Variants in ARMH1 observed in about 807,000 individuals in gnomAD.
ARMH1 encodes the protein armadillo-like helical domain containing protein 1.
ARMH1 carries 34 observed loss-of-function variants against 50.2 expected under a neutral mutation model. That is an observed-to-expected ratio of 0.68 (90% confidence interval 0.51 to 0.90). The LOEUF (loss-of-function observed/expected upper bound fraction) is 0.90. Among genes scored for constraint, ARMH1 ranks in the 40% least tolerant of loss-of-function variants. The pLI, the probability that ARMH1 is intolerant of heterozygous loss-of-function variation, is 0.00. For synonymous variants in ARMH1, 221 were observed against 224.2 expected, an observed-to-expected ratio of 0.99 and a Z score of 0.13; for missense variants, 538 against 553.9, an observed-to-expected ratio of 0.97 and a Z score of 0.29.
Position 44,724,721 on chromosome 1 carries a change from C to T in ARMH1, c.1051-41C>T, listed in dbSNP as rs1231400650. 8 of 1,496,676 alleles carry T rather than the reference C, an allele frequency of 5.3e-6. No individual in the cohort carries two copies. Among genetic ancestry groups the T allele is most frequent in the African/African-American group, 1.4e-5 (1 of 69,474 alleles). 92.7% of individuals were successfully genotyped at this position (1,496,676 alleles called of 1,614,324 possible). On this transcript the variant is annotated intron_variant, in intron 9 of 11. Coordinates refer to ENST00000535358, the MANE Select transcript of ARMH1 (RefSeq NM_001145636.2). The surrounding 1 kb of genome is among the most constrained non-coding windows in gnomAD (Gnocchi z 6.4). The stretch of plus-strand genomic sequence containing the variant: ...GGAAGGGCGGCGGCACCCGCAGCCC[C>T]GTCGCCCCCGCAGTCACGCCGCCTC...
In ARMH1 at chr1:44,725,116, C is replaced by G; in HGVS notation, c.1129-20C>G. The G allele has an allele frequency of 6.4e-7, 1 of 1,551,672 alleles. No individual in the cohort carries two copies. The highest frequency in any genetic ancestry group is 8.7e-7 in the Non-Finnish European group (1 of 1,146,920). ...ACTGCCCTGGCACCCCAGCCGGGTCCCCCTTGCTCCTGTCCTCAGAGCAAC... is the reference window on the plus strand; with the variant it reads ...ACTGCCCTGGCACCCCAGCCGGGTCGCCCTTGCTCCTGTCCTCAGAGCAAC... On this transcript the variant is annotated intron_variant, in intron 10 of 11. Coordinates refer to ENST00000535358, the MANE Select transcript of ARMH1 (RefSeq NM_001145636.2).
intron 6 of ARMH1, among the ~76,000 whole-genome samples, chr1:44,710,232 A>G (rs1192686417): frequency 6.6e-6 from 1 of 152,068 alleles, no homozygotes; most frequent in Non-Finnish European, 1.5e-5. Context: ...GGTCGCAAGA[A>G]CCTCATTGTT....
Position 44,690,735 on chromosome 1 carries a change from A to G in ARMH1, c.206+832A>G, listed in dbSNP as rs1051367128. On this transcript the variant is annotated intron_variant, in intron 2 of 11. Coordinates refer to ENST00000535358, the MANE Select transcript of ARMH1 (RefSeq NM_001145636.2). ...TCTCTGTGGCCCAGGCTGGGGTGCA[A>G]TGGCACAATCTCAGCTCACCGCAAC... Among the ~76,000 whole-genome samples the G allele has an allele frequency of 6.6e-5, 10 of 152,086 alleles. No homozygotes were observed. The South Asian group carries it at 1.9e-3, about 28-fold the overall frequency.
rs186631237 is a variant in ARMH1 at position 44,703,964 on chromosome 1, G to A, written c.640-125G>A. 2.9e-3 allele frequency: 1,893 copies of A among 663,150 alleles called. 31 individuals carry two copies. In the African/African-American group the frequency reaches 0.029, roughly 10 times the overall value. The allele number at this position is 663,150 out of a possible 1,614,324, so 41.1% of individuals were successfully genotyped here. On this transcript the variant is annotated intron_variant, in intron 5 of 11. Coordinates refer to ENST00000535358, the MANE Select transcript of ARMH1 (RefSeq NM_001145636.2). ...GATGGTCTGGATCTCCTGACCTCGT[G>A]ATCTGCCCACCTCGGCCTCCTAAAG...
chr1:44,708,830 T>C (rs2148703936), intron 6 of ARMH1, among the ~76,000 whole-genome samples: 1 of 152,204 alleles, frequency 6.6e-6, no homozygotes, highest in South Asian at 2.1e-4. Context: ...CTGGTTCCTA[T>C]CACAGGCCCT....
chr1:44,680,060 G>A (rs1340491035), intron 1 of ARMH1, among the ~76,000 whole-genome samples: 1 of 152,264 alleles, frequency 6.6e-6, no homozygotes, highest in Non-Finnish European at 1.5e-5. Context: ...ATTCCTGATG[G>A]CAGAGCAACA....
intron 2 of ARMH1, among the ~76,000 whole-genome samples, chr1:44,690,110 CAA>C (rs1300304250): frequency 6.6e-6 from 1 of 152,068 alleles, no homozygotes; most frequent in African/African-American, 2.4e-5. Context: ...CCCAACTACT[CAA>C]GAGGCTGAGG....
chr1:44,697,197 G>A (rs945456255), intron 3 of ARMH1, 27 bp downstream of exon 3: 13 of 1,531,408 alleles, frequency 8.5e-6, no homozygotes, highest in African/African-American at 4.1e-5. Context: ...CGTGATTCTG[G>A]GGGTCTCAGT....
At chr1:44,725,268 A>G in intron 11 of ARMH1, 23 bp from the exon 12 acceptor site, 1 of 1,551,700 alleles carries the variant, frequency 6.4e-7, no homozygotes, top group Non-Finnish European at 8.7e-7. Context: ...GCACAGCCTC[A>G]CGCCCGCCTT....
intron 4 of ARMH1, among the ~76,000 whole-genome samples, chr1:44,700,089 C>A (rs2148659360): frequency 6.6e-6 from 1 of 152,212 alleles, no homozygotes; most frequent in Admixed American, 6.5e-5. Context: ...CTTGGCCTCC[C>A]ATAGTGCTGG....
chr1:44,690,981 G>A (rs918652610), intron 2 of ARMH1, among the ~76,000 whole-genome samples: 6 of 152,014 alleles, frequency 3.9e-5, no homozygotes, highest in African/African-American at 1.2e-4. Flanking sequence ...GTTGAGGGGC[G>A]GGGCGCGGTG....
chr1:44,723,594 C>T (rs551282967), intron 6 of ARMH1, among the ~76,000 whole-genome samples: 64 of 152,308 alleles, frequency 4.2e-4, no homozygotes, highest in African/African-American at 1.2e-3. Context: ...AAGTGAACCT[C>T]ATCTGGTTCT....
chr1:44,697,926 C>G (rs543034552), intron 3 of ARMH1, 137 bp from the exon 4 acceptor site: 2 of 565,590 alleles, frequency 3.5e-6, no homozygotes, highest in Middle Eastern at 4.8e-4. Context: ...TTTCCACACT[C>G]GTATCACTTT....
At chr1:44,707,441 CT>C (rs957086714) in intron 6 of ARMH1, among the ~76,000 whole-genome samples, 2 of 152,152 alleles carry the variant, frequency 1.3e-5, no homozygotes, top group African/African-American at 4.8e-5. Context: ...AATCTTATTT[CT>C]TTTTTGAGGC....
chr1:44,725,053 C>T, intron 10 of ARMH1, 83 bp from the exon 11 acceptor site: 1 of 1,540,220 alleles, frequency 6.5e-7, no homozygotes, highest in Non-Finnish European at 8.8e-7. Flanking sequence ...CGCCCCCCAC[C>T]TGCAACATCC....
At chr1:44,713,021 CTT>C (rs891015644) in intron 6 of ARMH1, among the ~76,000 whole-genome samples, 4 of 137,050 alleles carry the variant, frequency 2.9e-5, no homozygotes, top group Admixed American at 7.3e-5. Flanking sequence ...TTGCTTTGCA[CTT>C]TTTTTTTTTT....
chr1:44,690,218 AAAAC>A (rs761644249), intron 2 of ARMH1, among the ~76,000 whole-genome samples: 18 of 152,266 alleles, frequency 1.2e-4, no homozygotes, highest in Non-Finnish European at 1.8e-4. Context: ...ACTCTGTCTC[AAAAC>A]AAACAAACAA....
rs1326657434 is a variant in ARMH1 at position 44,689,932 on chromosome 1, AT to A, written c.206+31del. The A allele has an allele frequency of 1.1e-5, 17 of 1,534,092 alleles. No individual in the cohort carries two copies. The East Asian group carries it at 1.7e-4, about 15-fold the overall frequency. On this transcript the variant is annotated intron_variant, in intron 2 of 11. Transcript: ENST00000535358. The stretch of plus-strand genomic sequence containing the variant: ...TCCTTTACTGAACAGAAAAAAAAAA[AT>A]TAGGCACCGGGCACGGTGGCTCACG...
intron 5 of ARMH1, among the ~76,000 whole-genome samples, chr1:44,701,602 AAG>A (rs1481291161): frequency 6.6e-6 from 1 of 152,046 alleles, no homozygotes; most frequent in African/African-American, 2.4e-5. Flanking sequence ...GTACCTAGTA[AAG>A]AGGGGATAGA....
Sources: gnomAD v4.1 joint callset for allele counts (sites outside exome capture counted in the v4.1 genomes callset) on GRCh38, gnomAD v4.1.1 for gene constraint, Gnocchi (gnomAD v3.1) non-coding constraint, MANE v1.5 for transcripts, NCBI Gene and HGNC (gene_info 2026-07-23, HGNC 2026-07-21) for gene names.